ATRNL1: variants seen among roughly 807,000 people sequenced by gnomAD.
ATRNL1 encodes attractin like 1.
ATRNL1 carries 95 observed loss-of-function variants against 182.7 expected under a neutral mutation model. That is an observed-to-expected ratio of 0.52 (90% CI 0.44 to 0.62). The LOEUF (loss-of-function observed/expected upper bound fraction) is 0.62. Among genes scored for constraint, ATRNL1 ranks in the 20% least tolerant of loss-of-function variants. The probability of loss-of-function intolerance (pLI) is 0.00; values close to 1 mark genes in which losing one functional copy is unlikely to be tolerated. For missense variants in ATRNL1, 1,471 were observed against 1,679.5 expected (o/e 0.88, Z 2.17); for synonymous variants, 576 against 568.3 (o/e 1.01, Z -0.19).
intron 10 of ATRNL1, among the ~76,000 whole-genome samples, chr10:115,249,004 A>G (rs1850760240): frequency 6.6e-6 from 1 of 152,074 alleles, no homozygotes; most frequent in Non-Finnish European, 1.5e-5. Context: ...GTGAAACAGT[A>G]AAAGATTTTT....
At chr10:115,815,584 T>C (rs1298199885) in intron 27 of ATRNL1, among the ~76,000 whole-genome samples, 2 of 152,122 alleles carry the variant, frequency 1.3e-5, no homozygotes, top group African/African-American at 4.8e-5. Context: ...TACTCTACCA[T>C]CTTTAGGTCA....
In ATRNL1 at chr10:115,519,333, T is replaced by G. The variant is rs1554984657; in HGVS notation, c.3716+9T>G. ...TTTGTCACCTTCTTCAGGTAAAAGT[T>G]TGCTTTGACTGACTTTGAACTTTTC... On this transcript the variant is annotated intron_variant, in intron 25 of 28. Coordinates refer to ENST00000355044, the MANE Select transcript of ATRNL1 (RefSeq NM_207303.4). The G allele has an allele frequency of 6.2e-7, 1 of 1,609,450 alleles. No homozygotes were observed. The highest frequency in any genetic ancestry group is 1.3e-5 in the African/African-American group (1 of 74,770).
chr10:115,288,545 A>G (rs1852739741), intron 15 of ATRNL1, among the ~76,000 whole-genome samples: 1 of 144,548 alleles, frequency 6.9e-6, no homozygotes, highest in African/African-American at 2.6e-5. Context: ...TTTTTTTGAG[A>G]CAGTCTCGCT....
chr10:115,458,465 G>T (rs1847633120), intron 21 of ATRNL1, among the ~76,000 whole-genome samples: 1 of 151,840 alleles, frequency 6.6e-6, no homozygotes, highest in African/African-American at 2.4e-5. Flanking sequence ...CTAGATCTCA[G>T]CTTTGTATTT....
intron 28 of ATRNL1, among the ~76,000 whole-genome samples, chr10:115,900,728 A>G (rs1290834521): frequency 6.6e-6 from 1 of 152,318 alleles, no homozygotes; most frequent in Non-Finnish European, 1.5e-5. Flanking sequence ...CTTGCTTTGA[A>G]GTCTGTTATT....
At chr10:115,605,186 A>G (rs1168325824) in intron 26 of ATRNL1, among the ~76,000 whole-genome samples, 1 of 152,108 alleles carries the variant, frequency 6.6e-6, no homozygotes, top group Non-Finnish European at 1.5e-5. Context: ...TTATCTCCTT[A>G]TAATACCTTG....
At chr10:115,574,916 A>G (rs1854618666) in intron 26 of ATRNL1, among the ~76,000 whole-genome samples, 1 of 152,224 alleles carries the variant, frequency 6.6e-6, no homozygotes, top group South Asian at 2.1e-4. Context: ...AAATGGCTAT[A>G]ACTTGTGGAA....
At chr10:115,939,569 G>T (rs782281687) in intron 28 of ATRNL1, among the ~76,000 whole-genome samples, 2 of 152,116 alleles carry the variant, frequency 1.3e-5, no homozygotes, top group Non-Finnish European at 2.9e-5. Flanking sequence ...TCATCTTTAC[G>T]TGGTAAATGA....
intron 19 of ATRNL1, among the ~76,000 whole-genome samples, chr10:115,353,066 T>A (rs114793050): frequency 0.013 from 1,965 of 152,348 alleles, 37 homozygotes; most frequent in African/African-American, 0.044. Flanking sequence ...TGTTCTCTTA[T>A]TGATCATTAG....
intron 21 of ATRNL1, among the ~76,000 whole-genome samples, chr10:115,431,184 A>T (rs1268573771): frequency 2.6e-5 from 4 of 152,134 alleles, no homozygotes; most frequent in Admixed American, 6.5e-5. Context: ...AGGCGGGCGA[A>T]TCACCTGAGG....
At chr10:115,547,281 T>TATAA (rs1421962447) in intron 25 of ATRNL1, among the ~76,000 whole-genome samples, 2 of 138,528 alleles carry the variant, frequency 1.4e-5, no homozygotes, top group African/African-American at 6.3e-5. Context: ...TATATATATA[T>TATAA]AAATATATAT....
chr10:115,365,369 C>G (rs1372941217), intron 19 of ATRNL1, among the ~76,000 whole-genome samples: 1 of 149,218 alleles, frequency 6.7e-6, no homozygotes, highest in Non-Finnish European at 1.5e-5. Context: ...TGGTGATATC[C>G]CCTTTATCAT....
At chr10:115,338,609 T>C (rs1357479629) in intron 19 of ATRNL1, among the ~76,000 whole-genome samples, 1 of 152,218 alleles carries the variant, frequency 6.6e-6, no homozygotes, top group Non-Finnish European at 1.5e-5. Flanking sequence ...TTCAGCTTCT[T>C]ATATATTTGG....
chr10:115,575,824 G>A (rs571120441), intron 26 of ATRNL1, among the ~76,000 whole-genome samples: 9 of 151,972 alleles, frequency 5.9e-5, no homozygotes, highest in African/African-American at 1.9e-4. Context: ...ATATCCTTCT[G>A]CTATACATCA....
At chr10:115,537,186 G>A (rs1244764028) in intron 25 of ATRNL1, among the ~76,000 whole-genome samples, 2 of 152,058 alleles carry the variant, frequency 1.3e-5, no homozygotes, top group Non-Finnish European at 2.9e-5. Flanking sequence ...AACTAGTGAT[G>A]GTACGTTTTC....
At chr10:115,725,364 G>T (rs781869465) in intron 26 of ATRNL1, among the ~76,000 whole-genome samples, 2 of 152,108 alleles carry the variant, frequency 1.3e-5, no homozygotes, top group Non-Finnish European at 2.9e-5. Flanking sequence ...ACGATTGTGA[G>T]TTTGGAATAT....
chr10:115,697,176 T>C (rs1316436708), intron 26 of ATRNL1, among the ~76,000 whole-genome samples: 6 of 152,206 alleles, frequency 3.9e-5, no homozygotes, highest in African/African-American at 9.6e-5. Context: ...TTGAGCTTTT[T>C]TTCATGTAAT....
intron 26 of ATRNL1, among the ~76,000 whole-genome samples, chr10:115,718,364 G>A (rs1231367915): frequency 4.6e-5 from 7 of 151,932 alleles, no homozygotes; most frequent in African/African-American, 7.3e-5. Flanking sequence ...AGTCAACGTC[G>A]AACAAACAAG....
chr10:115,257,530 G>A (rs1007597101), intron 10 of ATRNL1, among the ~76,000 whole-genome samples: 1 of 152,044 alleles, frequency 6.6e-6, no homozygotes, highest in African/African-American at 2.4e-5. Flanking sequence ...ATCTTTGCAC[G>A]TGAGATGTGT....
Sources: allele counts gnomAD v4.1 joint callset (sites outside exome capture counted in the v4.1 genomes callset), GRCh38; gene constraint gnomAD v4.1.1; transcripts MANE v1.5; gene names NCBI Gene and HGNC (gene_info 2026-07-23, HGNC 2026-07-21).